TTLL1: variants seen among roughly 807,000 people sequenced by gnomAD.
TTLL1 encodes TTL family tubulin polyglutamylase complex subunit L1.
TTLL1 carries 33 observed loss-of-function variants against 47.8 expected under a neutral mutation model. That is an observed-to-expected ratio of 0.69 (90% CI 0.52 to 0.92). The LOEUF (loss-of-function observed/expected upper bound fraction) is 0.92, where lower values mean the gene tolerates loss of function less well. Among genes scored for constraint, TTLL1 ranks in the 40% least tolerant of loss-of-function variants. The probability of loss-of-function intolerance (pLI) is 0.00; values close to 1 mark genes in which losing one functional copy is unlikely to be tolerated. For synonymous variants in TTLL1, 225 were observed against 214.1 expected, an observed-to-expected ratio of 1.05 and a Z score of -0.45; for missense variants, 488 against 547.5, an observed-to-expected ratio of 0.89 and a Z score of 1.08.
chr22:43,080,499 C>G (rs1014833984), intron 1 of TTLL1, among the ~76,000 whole-genome samples: 1 of 152,282 alleles, frequency 6.6e-6, no homozygotes, highest in Middle Eastern at 3.4e-3. Context: ...GTATTACTTA[C>G]TGGCTCCAGC....
rs574429145 is a variant in TTLL1, at chr22:43,088,220, C to T, written c.-90+1057G>A. 1.1e-4 allele frequency among the ~76,000 whole-genome samples: 16 copies of T among 150,988 alleles called. 1 individual carries two copies. The highest frequency in any genetic ancestry group is 2.7e-4 in the African/African-American group (11 of 41,150). ...TGTTGAGCAGGGCATTCGTTCACAG[C>T]GGTATTGTCACTGTCCATCTCCACG... On this transcript the variant is annotated intron_variant, in intron 1 of 10. Transcript: ENST00000266254.
intron 1 of TTLL1, among the ~76,000 whole-genome samples, chr22:43,087,650 C>T (rs1208328105): frequency 6.6e-6 from 1 of 150,800 alleles, no homozygotes; most frequent in Non-Finnish European, 1.5e-5. Context: ...CCAGCCTGGC[C>T]AACATGGTGA....
intron 9 of TTLL1, among the ~76,000 whole-genome samples, chr22:43,047,609 C>T (rs995845738): frequency 6.6e-6 from 1 of 152,114 alleles, no homozygotes; most frequent in Non-Finnish European, 1.5e-5. Context: ...GCTGGGATTA[C>T]AGGCATGCAC....
At chr22:43,079,230 ACCCC>A in intron 2 of TTLL1, among the ~76,000 whole-genome samples, 2 of 95,520 alleles carry the variant, frequency 2.1e-5, no homozygotes, top group African/African-American at 6.6e-5. Flanking sequence ...CCCATCCCAC[ACCCC>A]TCACACCCAC....
At chr22:43,077,872 C>T (rs975253444) in intron 2 of TTLL1, among the ~76,000 whole-genome samples, 1 of 151,980 alleles carries the variant, frequency 6.6e-6, no homozygotes, top group Admixed American at 6.6e-5. Flanking sequence ...TTTGAGAGGC[C>T]GAGGCAGGCG....
intron 8 of TTLL1, among the ~76,000 whole-genome samples, chr22:43,057,782 T>C (rs1048998548): frequency 6.6e-5 from 10 of 151,922 alleles, no homozygotes; most frequent in South Asian, 2.1e-4. Context: ...GTTGCTTTCC[T>C]GCCCCTCCCT....
intron 1 of TTLL1, among the ~76,000 whole-genome samples, chr22:43,085,019 G>A (rs1461987135): frequency 7.0e-6 from 1 of 143,062 alleles, no homozygotes. Flanking sequence ...CCAGGCTGGA[G>A]TGCAGTGGCG....
intron 9 of TTLL1, among the ~76,000 whole-genome samples, chr22:43,050,016 G>C (rs898265219): frequency 1.3e-5 from 2 of 151,090 alleles, no homozygotes; most frequent in Non-Finnish European, 3.0e-5. Flanking sequence ...AGAATTGCTT[G>C]AACCCGGGAG....
intron 3 of TTLL1, among the ~76,000 whole-genome samples, chr22:43,073,859 T>A (rs949238630): frequency 1.3e-5 from 2 of 151,692 alleles, no homozygotes; most frequent in Admixed American, 1.3e-4. Context: ...AGTCTCACTG[T>A]CACCCAGGTT....
chr22:43,049,382 G>C (rs1307254609), intron 9 of TTLL1, among the ~76,000 whole-genome samples: 1 of 152,018 alleles, frequency 6.6e-6, no homozygotes, highest in Non-Finnish European at 1.5e-5. Flanking sequence ...AATTAGCCAG[G>C]AGTGGTGGCT....
chr22:43,043,289 A>C (rs1342467655), intron 10 of TTLL1, among the ~76,000 whole-genome samples: 1 of 151,908 alleles, frequency 6.6e-6, no homozygotes, highest in African/African-American at 2.4e-5. Context: ...CCACTCCCTC[A>C]AGAAGTCCAC....
At chr22:43,066,633 G>A (rs1326460753) in intron 5 of TTLL1, among the ~76,000 whole-genome samples, 1 of 151,486 alleles carries the variant, frequency 6.6e-6, no homozygotes, top group East Asian at 1.9e-4. Flanking sequence ...GAGGTGGGAG[G>A]ATCGCTTGGG....
At chr22:43,064,037 A>G in intron 6 of TTLL1, 116 bp from the exon 7 acceptor site, 1 of 1,480,422 alleles carries the variant, frequency 6.8e-7, no homozygotes, top group Non-Finnish European at 9.3e-7. Flanking sequence ...TCACATCGGC[A>G]TCGGGCCTGA....
chr22:43,074,566 T>C (rs546945737), intron 3 of TTLL1, among the ~76,000 whole-genome samples: 5 of 150,334 alleles, frequency 3.3e-5, no homozygotes, highest in African/African-American at 4.9e-5. Context: ...GAAGGCTGGG[T>C]ACAGTGGCTC....
intron 3 of TTLL1, among the ~76,000 whole-genome samples, chr22:43,074,717 A>G (rs1051759231): frequency 3.3e-5 from 5 of 151,968 alleles, no homozygotes; most frequent in African/African-American, 1.2e-4. Flanking sequence ...TTTATGACCA[A>G]AAAAGAAAAA....
At chr22:43,072,405 C>T (rs6003034) in intron 3 of TTLL1, among the ~76,000 whole-genome samples, 25,879 of 152,048 alleles carry the variant, frequency 0.17, 2,281 homozygotes, top group Admixed American at 0.21. Context: ...CCGCCCATCT[C>T]GGCCTCCCAA....
At chr22:43,044,123 T>C (rs532205593) in intron 10 of TTLL1, among the ~76,000 whole-genome samples, 196 of 149,764 alleles carry the variant, frequency 1.3e-3, no homozygotes, top group Non-Finnish European at 2.3e-3. Flanking sequence ...CCCACCCCCA[T>C]CTTCTCCCTG....
chr22:43,058,265 A>C (rs538556175), intron 8 of TTLL1, among the ~76,000 whole-genome samples: 1 of 152,288 alleles, frequency 6.6e-6, no homozygotes, highest in South Asian at 2.1e-4. Context: ...AATAGTAGCA[A>C]GCTTGCTGGT....
chr22:43,058,414 C>T (rs1927168667), intron 8 of TTLL1, among the ~76,000 whole-genome samples: 1 of 152,230 alleles, frequency 6.6e-6, no homozygotes, highest in Non-Finnish European at 1.5e-5. Flanking sequence ...CACGCCATTT[C>T]CAGCCCGAAA....
Sources: allele counts gnomAD v4.1 joint callset (sites outside exome capture counted in the v4.1 genomes callset), GRCh38; gene constraint gnomAD v4.1.1; transcripts MANE v1.5; gene names NCBI Gene and HGNC (gene_info 2026-07-23, HGNC 2026-07-21).